Variants in SLC22A23 observed in about 807,000 individuals in gnomAD.
SLC22A23 encodes solute carrier family 22 member 23.
SLC22A23 carries 26 observed loss-of-function variants against 61.0 expected under a neutral mutation model. That is an observed-to-expected ratio of 0.43 (90% CI 0.31 to 0.59). SLC22A23 has a LOEUF of 0.59. SLC22A23 is among the 20% of genes least tolerant of loss of function. The probability of loss-of-function intolerance (pLI) is 0.11; values close to 1 mark genes in which losing one functional copy is unlikely to be tolerated. For synonymous variants in SLC22A23, 430 were observed against 413.9 expected (o/e 1.04, Z -0.47); for missense variants, 796 against 934.7 (o/e 0.85, Z 1.94).
intron 3 of SLC22A23, among the ~76,000 whole-genome samples, chr6:3,383,013 T>C (rs1303178959): frequency 6.6e-6 from 1 of 152,188 alleles, no homozygotes; most frequent in Non-Finnish European, 1.5e-5. Context: ...ATAAACTCCT[T>C]TTGGAGACTA....
intron 1 of SLC22A23, among the ~76,000 whole-genome samples, chr6:3,435,302 TC>T (rs1406632759): frequency 2.0e-5 from 3 of 149,848 alleles, no homozygotes; most frequent in Non-Finnish European, 4.4e-5. Flanking sequence ...CCCTCTCCCT[TC>T]CTCATCTCTT....
Position 3,286,325 on chromosome 6 carries a change from C to T in SLC22A23, c.1546+534G>A, listed in dbSNP as rs933882916. 1.3e-5 allele frequency among the ~76,000 whole-genome samples: 2 copies of T among 152,134 alleles called. No individual in the cohort carries two copies. Among genetic ancestry groups the T allele is most frequent in the Non-Finnish European group, 2.9e-5 (2 of 68,034 alleles). ...ACTACATTGGTCAGGCTGGTTTGAACTCCTGACCTCATGATCCGACCGCCT... is the reference window on the plus strand; with the variant it reads ...ACTACATTGGTCAGGCTGGTTTGAATTCCTGACCTCATGATCCGACCGCCT... On this transcript the variant is annotated intron_variant, in intron 7 of 9. Transcript: ENST00000406686. This position sits in a 1 kb window ranked among gnomAD's most constrained non-coding sequence, Gnocchi z 4.2.
At position 3,286,897 on chromosome 6, in the gene SLC22A23, G is replaced by C. The variant is rs1471763683; in HGVS notation, c.1508C>G (p.Thr503Ser). The C allele has an allele frequency of 2.5e-6, 4 of 1,611,984 alleles. No homozygotes were observed. Among genetic ancestry groups the C allele is most frequent in the Non-Finnish European group, 3.4e-6 (4 of 1,179,234 alleles). The change falls in exon 7 of 10, where the codon ACC (threonine) becomes AGC (serine). Residue 503 changes from threonine (T) to serine (S), a missense_variant. Coordinates refer to ENST00000406686, the MANE Select transcript of SLC22A23 (RefSeq NM_015482.2). This position sits in a 1 kb window ranked among gnomAD's most constrained non-coding sequence, Gnocchi z 4.2. ...RGGLLLFMIL[T>S]ALASLLQLGL... is the part of the protein sequence containing the mutation. ...GAGCTGCAGGAGTGAGGCCAGGGCG[G>C]TGAGGATCATGAAGAGCAGCAGCCC...
chr6:3,436,417 T>A (rs1278471504), intron 1 of SLC22A23, among the ~76,000 whole-genome samples: 7 of 152,198 alleles, frequency 4.6e-5, no homozygotes, highest in African/African-American at 1.7e-4. Context: ...ATTACAGGCG[T>A]AAGCCACTGT....
In SLC22A23 at chr6:3,296,761, C is replaced by T. The variant is rs532852921; in HGVS notation, c.1210+1330G>A. 6.3e-4 allele frequency among the ~76,000 whole-genome samples: 96 copies of T among 152,128 alleles called. 1 individual carries two copies. Among genetic ancestry groups the T allele is most frequent in the Non-Finnish European group, 4.9e-4 (33 of 68,026 alleles). ...TCCAGCCTGGGTGACCTGACTCTCA[C>T]GGCCCTGCACAAGTTGAGGCAGAGG... On this transcript the variant is annotated intron_variant, in intron 5 of 9. Transcript: ENST00000406686.
chr6:3,308,002 C>T lies in SLC22A23; in HGVS notation c.1083-9784G>A, dbSNP rs1040900277. On this transcript the variant is annotated intron_variant, in intron 4 of 9. Coordinates refer to ENST00000406686, the MANE Select transcript of SLC22A23 (RefSeq NM_015482.2). The surrounding 1 kb of genome is among the most constrained non-coding windows in gnomAD (Gnocchi z 5.1). ...CCGAGGGAGGAACACCTTGACATTC[C>T]ACTCACATCAGGCACTAGAGGAGTC... is the stretch of plus-strand genomic sequence containing the variant. 6.6e-6 allele frequency among the ~76,000 whole-genome samples: 1 copy of T among 152,068 alleles called. No individual in the cohort carries two copies. Among genetic ancestry groups the T allele is most frequent in the Non-Finnish European group, 1.5e-5 (1 of 68,016 alleles).
chr6:3,377,238 C>G (rs1178452288), intron 3 of SLC22A23, among the ~76,000 whole-genome samples: 1 of 152,170 alleles, frequency 6.6e-6, no homozygotes, highest in Non-Finnish European at 1.5e-5. Flanking sequence ...TATTTACCAT[C>G]TGGGACATTA....
At chr6:3,311,144 C>A (rs140032805) in intron 4 of SLC22A23, among the ~76,000 whole-genome samples, 3 of 152,172 alleles carry the variant, frequency 2.0e-5, no homozygotes, top group African/African-American at 7.2e-5. Flanking sequence ...GGGGCAAAAA[C>A]GTGTAAATTA....
At chr6:3,452,599 TAAAAAAAAAAAAAAAAAAAAAAAAAAAAA>T (rs570923626) in intron 1 of SLC22A23, among the ~76,000 whole-genome samples, 1 of 40,536 alleles carries the variant, frequency 2.5e-5, no homozygotes, top group Admixed American at 4.3e-4. Context: ...AGACGCTGTC[TAAAAAAAAAAAAAAAAAAAAAAAAAAAAA>T]AAAAAAAAAA....
intron 9 of SLC22A23, chr6:3,282,103 G>T: frequency 6.1e-6 from 4 of 659,916 alleles, no homozygotes; most frequent in Non-Finnish European, 5.5e-6. Flanking sequence ...AACAAAATAT[G>T]CATAATCATG....
rs1765350478 is a variant in SLC22A23, at chr6:3,360,225, G to A, written c.914-36223C>T. Among the ~76,000 whole-genome samples, 1 of 152,046 alleles carries A rather than the reference G, an allele frequency of 6.6e-6. No individual in the cohort carries two copies. The highest frequency in any genetic ancestry group is 2.4e-5 in the African/African-American group (1 of 41,380). ...TGTGAATTACTTAATGCCACTGAAT[G>A]GTACAATTAAAAGTAGTTAAAATGG... On this transcript the variant is annotated intron_variant, in intron 3 of 9. Coordinates refer to ENST00000406686, the MANE Select transcript of SLC22A23 (RefSeq NM_015482.2). This position sits in a 1 kb window ranked among gnomAD's most constrained non-coding sequence, Gnocchi z 4.6.
intron 1 of SLC22A23, 128 bp from the exon 2 acceptor site, chr6:3,415,983 C>T: frequency 3.2e-6 from 2 of 618,392 alleles, no homozygotes; most frequent in South Asian, 2.2e-5. Context: ...GCCATATACA[C>T]CAGTCAGAGT....
intron 3 of SLC22A23, among the ~76,000 whole-genome samples, chr6:3,406,036 T>C (rs1263115556): frequency 1.3e-5 from 2 of 152,098 alleles, no homozygotes; most frequent in African/African-American, 2.4e-5. Context: ...AAATTGTTCA[T>C]TGTTGGGGGG....
rs1018016900 is a variant in SLC22A23, at chr6:3,390,543, C to T, written c.913+19645G>A. ...AGTTGGAGTGAACTCTAGTGCTCCC[C>T]GGGGCCTAGAGTTCTGAGGTACACT... On this transcript the variant is annotated intron_variant, in intron 3 of 9. Transcript: ENST00000406686. This position sits in a 1 kb window ranked among gnomAD's most constrained non-coding sequence, Gnocchi z 4.0. Among the ~76,000 whole-genome samples, 6 of 152,124 alleles carry T rather than the reference C, an allele frequency of 3.9e-5. No individual in the cohort carries two copies. The highest frequency in any genetic ancestry group is 9.7e-5 in the African/African-American group (4 of 41,420).
chr6:3,298,880 G>C (rs1761352918), intron 4 of SLC22A23, among the ~76,000 whole-genome samples: 1 of 151,194 alleles, frequency 6.6e-6, no homozygotes, highest in Non-Finnish European at 1.5e-5. Context: ...GCTGAGGCAG[G>C]AGAATGGTGT....
At chr6:3,445,066 C>T (rs939517148) in intron 1 of SLC22A23, 7 of 748,966 alleles carry the variant, frequency 9.3e-6, no homozygotes, top group Non-Finnish European at 1.1e-5. Context: ...TCTGTCCTCA[C>T]AATGGCCCTC....
chr6:3,425,131 T>C (rs1770404467), intron 1 of SLC22A23, among the ~76,000 whole-genome samples: 1 of 152,084 alleles, frequency 6.6e-6, no homozygotes, highest in Non-Finnish European at 1.5e-5. Flanking sequence ...ATAATTATTA[T>C]ACCAAATTTA....
intron 6 of SLC22A23, 33 bp downstream of exon 6, chr6:3,289,731 C>T: frequency 6.3e-7 from 1 of 1,589,672 alleles, no homozygotes; most frequent in South Asian, 1.1e-5. Flanking sequence ...TGGCCCCCTC[C>T]CACCCAGCTG....
At chr6:3,276,427 A>G (rs562540433) in intron 9 of SLC22A23, among the ~76,000 whole-genome samples, 3 of 152,254 alleles carry the variant, frequency 2.0e-5, no homozygotes, top group East Asian at 3.9e-4. Context: ...TGCACCCCCT[A>G]GACTTTGTTT....
Sources: gnomAD v4.1 joint callset for allele counts (sites outside exome capture counted in the v4.1 genomes callset) on GRCh38, gnomAD v4.1.1 for gene constraint, Gnocchi (gnomAD v3.1) non-coding constraint, MANE v1.5 for transcripts, NCBI Gene and HGNC (gene_info 2026-07-23, HGNC 2026-07-21) for gene names.